Variants in CS observed in about 807,000 individuals in gnomAD.
CS encodes the protein citrate synthase, mitochondrial.
Under a neutral mutation model 61.4 loss-of-function variants are expected in CS, and 13 were observed. The ratio of observed to expected loss-of-function variants is 0.21; its 90% CI spans 0.14 to 0.34. CS has a LOEUF of 0.34. Among genes scored for constraint, CS ranks in the 10% least tolerant of loss-of-function variants. The pLI, the probability that CS is intolerant of heterozygous loss-of-function variation, is 1.00. For missense variants in CS, 278 were observed against 573.4 expected (o/e 0.48, Z 5.26); for synonymous variants, 159 against 215.2 (o/e 0.74, Z 2.29).
rs747755878 is a variant in CS, at chr12:56,285,991, A to T, written c.126T>A (p.Pro42=). ...NLKDILADLI[P]KEQARIKTFR... The stretch of plus-strand genomic sequence containing the variant: ...AAGTCTTAATTCTGGCCTGCTCCTT[A>T]GGTATCAGGTCAGCCAATATGTCTT... The change falls in exon 3 of 11, where the codon CCT becomes CCA. Residue 42 remains proline, a synonymous_variant. Coordinates refer to ENST00000351328, the MANE Select transcript of CS (RefSeq NM_004077.3). 9.9e-6 allele frequency: 16 copies of T among 1,613,818 alleles called. No homozygotes were observed. The East Asian group carries it at 2.9e-4, about 29-fold the overall frequency.
Position 56,273,794 on chromosome 12 carries a change from A to G in CS, c.1023T>C (p.Val341=), listed in dbSNP as rs375865192. 6.8e-5 allele frequency: 109 copies of G among 1,612,660 alleles called. No individual in the cohort carries two copies. The highest frequency in any genetic ancestry group is 1.6e-4 in the Middle Eastern group (1 of 6,078). ...YIWNTLNSGR[V]VPGYGHAVLR... ...GTACTGCATGGCCATAGCCTGGAAC[A>G]ACCTGTAAAGAGTGAGGAAAAAAGA... The change falls in exon 10 of 11, where the codon GTT becomes GTC. Residue 341 remains valine, a splice_region_variant and synonymous_variant. Coordinates refer to ENST00000351328, the MANE Select transcript of CS (RefSeq NM_004077.3).
chr12:56,294,613 C>T (rs1292660619), intron 1 of CS, among the ~76,000 whole-genome samples: 3 of 151,592 alleles, frequency 2.0e-5, no homozygotes, highest in African/African-American at 7.3e-5. Context: ...GTCACCCAGG[C>T]TGGAGTGCAG....
chr12:56,283,946 G>A, intron 3 of CS, 89 bp from the exon 4 acceptor site: 1 of 908,516 alleles, frequency 1.1e-6, no homozygotes, highest in South Asian at 1.5e-5. Flanking sequence ...GAGCTTCATG[G>A]GATCTGGGAG....
At chr12:56,287,923 A>G (rs1872993654) in intron 1 of CS, among the ~76,000 whole-genome samples, 1 of 152,082 alleles carries the variant, frequency 6.6e-6, no homozygotes, top group Non-Finnish European at 1.5e-5. Flanking sequence ...CTCTCAAAGC[A>G]CTGGGATTAC....
rs117599555 is a variant in CS, at chr12:56,289,897, T to G, written c.43-3252A>C. Among the ~76,000 whole-genome samples the G allele has an allele frequency of 7.6e-3, 1,156 of 152,074 alleles. 6 individuals are homozygous for G. The highest frequency in any genetic ancestry group is 0.011 in the Non-Finnish European group (727 of 67,988). On this transcript the variant is annotated intron_variant, in intron 1 of 10. Coordinates refer to ENST00000351328, the MANE Select transcript of CS (RefSeq NM_004077.3). ...GAGCCACTGCAACCAGCTGACTTTC[T>G]GTTTTGTTTTGTTTTGAGACCGAGT...
intron 6 of CS, among the ~76,000 whole-genome samples, chr12:56,280,440 A>AAAAAAC (rs1555162652): frequency 9.2e-5 from 11 of 119,900 alleles, no homozygotes; most frequent in South Asian, 2.7e-4. Flanking sequence ...AAAAAAAACA[A>AAAAAAC]AAAAATTAGC....
chr12:56,283,997 G>C, intron 3 of CS, 140 bp from the exon 4 acceptor site: 1 of 657,438 alleles, frequency 1.5e-6, no homozygotes, highest in Non-Finnish European at 2.7e-6. Flanking sequence ...CATTTGGTGA[G>C]AGATGTCTGA....
chr12:56,292,206 G>A (rs957268732), intron 1 of CS, among the ~76,000 whole-genome samples: 2 of 151,764 alleles, frequency 1.3e-5, no homozygotes, highest in African/African-American at 4.8e-5. Context: ...GACCATCCTG[G>A]CTAACATGGT....
intron 1 of CS, among the ~76,000 whole-genome samples, chr12:56,293,837 C>G (rs1873209913): frequency 1.3e-5 from 2 of 152,244 alleles, no homozygotes; most frequent in Admixed American, 6.5e-5. Flanking sequence ...GCCAGCAGGA[C>G]TGGCTTAGCT....
In CS at chr12:56,282,576, C is replaced by T; in HGVS notation, c.432G>A (p.Arg144=). The stretch of plus-strand genomic sequence containing the variant: ...TGACCACATGGGAAGGCAGAGCTGC[C>T]CTCTTTGCCCACTCTTTTGAGAGCC... The part of the protein sequence containing the change: ...VSWLSKEWAK[R]AALPSHVVTM... Residue 144 remains arginine (R), a synonymous_variant, in exon 6 of 11, where the codon AGG becomes AGA. Coordinates refer to ENST00000351328, the MANE Select transcript of CS (RefSeq NM_004077.3). 6.2e-7 allele frequency: 1 copy of T among 1,608,820 alleles called. No individual in the cohort carries two copies. Among genetic ancestry groups the T allele is most frequent in the Non-Finnish European group, 8.5e-7 (1 of 1,177,706 alleles).
intron 6 of CS, among the ~76,000 whole-genome samples, chr12:56,279,652 A>G (rs151134041): frequency 0.034 from 5,213 of 151,848 alleles, 303 homozygotes; most frequent in African/African-American, 0.12. Flanking sequence ...TGTAGTCCCA[A>G]CTACTCGGGA....
At position 56,285,999 on chromosome 12, in the gene CS, G is replaced by A. The variant is rs750501086; in HGVS notation, c.118C>T (p.Leu40=). The A allele has an allele frequency of 1.9e-5, 30 of 1,613,912 alleles. No individual in the cohort carries two copies. The highest frequency in any genetic ancestry group is 2.5e-5 in the Non-Finnish European group (30 of 1,179,940). The change falls in exon 3 of 11, where the codon CTG becomes TTG. Residue 40 remains leucine (L), a synonymous_variant. Coordinates refer to ENST00000351328, the MANE Select transcript of CS (RefSeq NM_004077.3). ...STNLKDILAD[L]IPKEQARIKT... ...ATTCTGGCCTGCTCCTTAGGTATCAGGTCAGCCAATATGTCTTTCAAATTC... is the reference window on the plus strand; with the variant it reads ...ATTCTGGCCTGCTCCTTAGGTATCAAGTCAGCCAATATGTCTTTCAAATTC...
At chr12:56,297,981 G>A (rs1288965054) in intron 1 of CS, among the ~76,000 whole-genome samples, 1 of 151,532 alleles carries the variant, frequency 6.6e-6, no homozygotes, top group Non-Finnish European at 1.5e-5. Context: ...TCATTATTGG[G>A]CTTTGCTACC....
At chr12:56,298,572 T>C (rs1436399768) in intron 1 of CS, 3 of 963,036 alleles carry the variant, frequency 3.1e-6, no homozygotes, top group Non-Finnish European at 3.7e-6. Flanking sequence ...CAAAACGCTA[T>C]CTAGAACTTG....
intron 6 of CS, 117 bp from the exon 7 acceptor site, chr12:56,276,312 A>G: frequency 2.4e-6 from 2 of 832,842 alleles, no homozygotes; most frequent in Non-Finnish European, 3.9e-6. Flanking sequence ...GGTTAGTTAT[A>G]TGATGGGTTG....
intron 1 of CS, chr12:56,291,349 CTTTCT>C: frequency 8.6e-5 from 75 of 874,908 alleles, no homozygotes; most frequent in South Asian, 4.8e-4. Context: ...TTCTTTCTTT[CTTTCT>C]TTTTTTTTTT....
At chr12:56,285,293 T>A (rs953211697) in intron 3 of CS, 3 of 439,984 alleles carry the variant, frequency 6.8e-6, no homozygotes, top group African/African-American at 6.1e-5. Flanking sequence ...TTCTTTTTGT[T>A]TGTTTTGGAG....
chr12:56,275,116 G>A lies in CS; in HGVS notation c.804C>T (p.Gly268=). 1 of 1,614,196 alleles carries A rather than the reference G, an allele frequency of 6.2e-7. No homozygotes were observed. Among genetic ancestry groups the A allele is most frequent in the Non-Finnish European group, 8.5e-7 (1 of 1,180,030 alleles). Residue 268 remains glycine, a synonymous_variant, in exon 8 of 11, where the codon GGC becomes GGT. Transcript: ENST00000351328. Reference sequence around the variant, plus strand: ...AATGGCTGGTATGGGCACTTACATTGCCACCCTCATGGTCACTGTGGGGAA... The same window carrying A: ...AATGGCTGGTATGGGCACTTACATTACCACCCTCATGGTCACTGTGGGGAA... The part of the protein sequence containing the change: ...YLTIHSDHEG[G]NVSAHTSHLV...
At position 56,273,061 on chromosome 12, in the gene CS, T is replaced by C. The variant is rs754399171; in HGVS notation, c.*23A>G. ...TTTAGGCTTCCTCACTTTCTGGTAG[T>C]CACTTTCACCCAGTCTCCAGTTTTA... On this transcript the variant is annotated 3_prime_UTR_variant, in exon 11 of 11. Coordinates refer to ENST00000351328, the MANE Select transcript of CS (RefSeq NM_004077.3). 1.3e-6 allele frequency: 2 copies of C among 1,576,290 alleles called. No homozygotes were observed. Among genetic ancestry groups the C allele is most frequent in the African/African-American group, 2.7e-5 (2 of 73,120 alleles).
Sources: allele counts gnomAD v4.1 joint callset (sites outside exome capture counted in the v4.1 genomes callset), GRCh38; gene constraint gnomAD v4.1.1; transcripts MANE v1.5; gene names NCBI Gene and HGNC (gene_info 2026-07-23, HGNC 2026-07-21).